MEI4: variants seen among roughly 807,000 people sequenced by gnomAD.
MEI4 encodes meiotic double-stranded break formation protein 4.
MEI4 carries 27 observed loss-of-function variants against 31.4 expected under a neutral mutation model. The observed-to-expected ratio is 0.86, with a 90% CI of 0.63 to 1.19. The LOEUF (loss-of-function observed/expected upper bound fraction) is 1.19, where lower values mean the gene tolerates loss of function less well. Among genes scored for constraint, MEI4 ranks in the 50% most tolerant of loss-of-function variants. The pLI is 0.00. For synonymous variants in MEI4, 122 were observed against 145.4 expected, an observed-to-expected ratio of 0.84 and a Z score of 1.16; for missense variants, 329 against 398.9, an observed-to-expected ratio of 0.82 and a Z score of 1.49.
At chr6:77,736,779 C>T (rs1305969229) in intron 2 of MEI4, among the ~76,000 whole-genome samples, 1 of 151,912 alleles carries the variant, frequency 6.6e-6, no homozygotes, top group East Asian at 1.9e-4. Flanking sequence ...TTAATTGTAC[C>T]CAATGAGACC....
intron 3 of MEI4, among the ~76,000 whole-genome samples, chr6:77,807,412 TG>T (rs762694843): frequency 6.6e-6 from 1 of 152,084 alleles, no homozygotes; most frequent in African/African-American, 2.4e-5. Context: ...CTCTTCATTA[TG>T]GGAATTTTTA....
Position 77,923,577 on chromosome 6 carries a change from G to GTAAC in MEI4, c.*233_*236dup, listed in dbSNP as rs1766763800. 1 of 297,492 alleles carries GTAAC rather than the reference G, an allele frequency of 3.4e-6. No individual in the cohort carries two copies. Among genetic ancestry groups the GTAAC allele is most frequent in the Non-Finnish European group, 6.1e-6 (1 of 164,542 alleles). The allele number at this position is 297,492 out of a possible 1,614,324, so 18.4% of individuals were successfully genotyped here. A position where few individuals can be genotyped will look rare whatever the true frequency, so the allele number is the denominator to read the frequency against. On this transcript the variant is annotated 3_prime_UTR_variant, in exon 5 of 5. Transcript: ENST00000684080. ...TTGGTAATGCCATCCTTATTCCCATGTAACTGTATCTTATTTCACTCAATA... is the reference window on the plus strand; with the variant it reads ...TTGGTAATGCCATCCTTATTCCCATGTAACTAACTGTATCTTATTTCACTCAATA...
chr6:77,877,681 G>T (rs1045971496), intron 4 of MEI4, among the ~76,000 whole-genome samples: 1 of 148,104 alleles, frequency 6.8e-6, no homozygotes, highest in Non-Finnish European at 1.5e-5. Context: ...TTGGAGGGGG[G>T]AAAATGGTGT....
At chr6:77,777,879 T>TA (rs1003456333) in intron 3 of MEI4, among the ~76,000 whole-genome samples, 4 of 152,006 alleles carry the variant, frequency 2.6e-5, no homozygotes, top group Non-Finnish European at 5.9e-5. Context: ...TTCAGGGAAT[T>TA]AAAAAAACCT....
chr6:77,797,990 G>A (rs868395492), intron 3 of MEI4, among the ~76,000 whole-genome samples: 2 of 152,014 alleles, frequency 1.3e-5, no homozygotes, highest in Non-Finnish European at 2.9e-5. Context: ...ATGTATGTTC[G>A]AATGACTACA....
Position 77,746,656 on chromosome 6 carries a change from TGTGTGTGTGTG to T in MEI4, c.233-14473_233-14463del, listed in dbSNP as rs1452061375. 7.2e-3 allele frequency among the ~76,000 whole-genome samples: 1,093 copies of T among 151,824 alleles called. 41 individuals are homozygous for T. The highest frequency in any genetic ancestry group is 0.056 in the Admixed American group (850 of 15,208). On this transcript the variant is annotated intron_variant, in intron 2 of 4. Coordinates refer to ENST00000684080, the MANE Select transcript of MEI4 (RefSeq NM_001322247.2). ...TATATGGCGTGTGTGTGTGTGTGTG[TGTGTGTGTGTG>T]TGTGTGTATGAATATGTACATATAT...
intron 1 of MEI4, among the ~76,000 whole-genome samples, chr6:77,685,347 TA>T (rs1176595465): frequency 6.6e-6 from 1 of 151,896 alleles, no homozygotes; most frequent in Non-Finnish European, 1.5e-5. Flanking sequence ...AGAAGCTTTT[TA>T]ACTTGGTGTG....
intron 1 of MEI4, among the ~76,000 whole-genome samples, chr6:77,676,527 A>G (rs1182896207): frequency 6.6e-6 from 1 of 151,778 alleles, no homozygotes; most frequent in East Asian, 1.9e-4. Flanking sequence ...ACCCATTTCA[A>G]TAATAATAAT....
At chr6:77,664,894 G>A (rs1349982146) in intron 1 of MEI4, among the ~76,000 whole-genome samples, 7 of 152,054 alleles carry the variant, frequency 4.6e-5, no homozygotes, top group Non-Finnish European at 7.4e-5. Flanking sequence ...GGGGTCAAGC[G>A]GCATTGCAGA....
chr6:77,761,947 T>C (rs1340510188), intron 3 of MEI4, among the ~76,000 whole-genome samples: 1 of 152,232 alleles, frequency 6.6e-6, no homozygotes, highest in Non-Finnish European at 1.5e-5. Context: ...GATTCTTTTA[T>C]TCTTATGTTT....
chr6:77,670,311 T>A (rs1006941351), intron 1 of MEI4, among the ~76,000 whole-genome samples: 1 of 152,170 alleles, frequency 6.6e-6, no homozygotes, highest in East Asian at 1.9e-4. Flanking sequence ...ACTATTATTG[T>A]CACTCTTTCT....
At chr6:77,745,078 C>T (rs934374938) in intron 2 of MEI4, among the ~76,000 whole-genome samples, 7 of 152,138 alleles carry the variant, frequency 4.6e-5, no homozygotes, top group Non-Finnish European at 7.4e-5. Flanking sequence ...GCAAAATAAC[C>T]AGCTAGCATC....
In MEI4 at chr6:77,683,244, CTTTG is replaced by C. The variant is rs369177138; in HGVS notation, c.-14-7410_-14-7407del. Among the ~76,000 whole-genome samples the C allele has an allele frequency of 5.8e-4, 88 of 151,992 alleles. 2 individuals are homozygous for C. The highest frequency in any genetic ancestry group is 2.0e-3 in the African/African-American group (82 of 41,476). On this transcript the variant is annotated intron_variant, in intron 1 of 4. Transcript: ENST00000684080. ...GCTTTTTTTAATTAGCTAAAATCTT[CTTTG>C]TTTATTAATTTATTTTTCCAGCTTT... is the stretch of plus-strand genomic sequence containing the variant.
intron 4 of MEI4, among the ~76,000 whole-genome samples, chr6:77,862,342 A>C (rs1770888849): frequency 6.6e-6 from 1 of 152,244 alleles, no homozygotes; most frequent in South Asian, 2.1e-4. Flanking sequence ...AATGAGTGAC[A>C]GACAACACCT....
At chr6:77,679,472 G>GGCT (rs55747861) in intron 1 of MEI4, among the ~76,000 whole-genome samples, 16 of 151,568 alleles carry the variant, frequency 1.1e-4, no homozygotes, top group Admixed American at 7.2e-4. Context: ...AGGAGCAATA[G>GGCT]ATGTAGATTT....
intron 2 of MEI4, among the ~76,000 whole-genome samples, chr6:77,694,123 G>GA (rs1769211012): frequency 6.6e-6 from 1 of 151,930 alleles, no homozygotes; most frequent in Non-Finnish European, 1.5e-5. Context: ...GATAAACAAT[G>GA]AGTAAGGTTT....
chr6:77,895,716 T>C (rs1766070779), intron 4 of MEI4, among the ~76,000 whole-genome samples: 2 of 152,124 alleles, frequency 1.3e-5, no homozygotes, highest in Non-Finnish European at 2.9e-5. Context: ...CCCCAGCACC[T>C]ACCCTTGAGT....
rs73763506 is a variant in MEI4, at chr6:77,830,079, A to G, written c.900+1017A>G. On this transcript the variant is annotated intron_variant, in intron 4 of 4. Transcript: ENST00000684080. Reference sequence around the variant, plus strand: ...AATTGAAAAGGAGCAAAGTGTTAAAATGTATGATGTTTTCATAGGAGTTCC... The same window carrying G: ...AATTGAAAAGGAGCAAAGTGTTAAAGTGTATGATGTTTTCATAGGAGTTCC... 9.1e-3 allele frequency among the ~76,000 whole-genome samples: 1,392 copies of G among 152,208 alleles called. 17 individuals are homozygous for G. The highest frequency in any genetic ancestry group is 0.031 in the African/African-American group (1,288 of 41,576).
At chr6:77,862,431 C>G (rs1770890947) in intron 4 of MEI4, among the ~76,000 whole-genome samples, 1 of 152,224 alleles carries the variant, frequency 6.6e-6, no homozygotes, top group Admixed American at 6.5e-5. Flanking sequence ...GATTATATCC[C>G]ACGCATGGCT....
Sources: allele counts gnomAD v4.1 joint callset (sites outside exome capture counted in the v4.1 genomes callset), GRCh38; gene constraint gnomAD v4.1.1; transcripts MANE v1.5; gene names NCBI Gene and HGNC (gene_info 2026-07-23, HGNC 2026-07-21).